Variants in PPFIA2 observed in about 807,000 individuals in gnomAD.
PPFIA2 encodes liprin-alpha-2.
A neutral mutation model predicts 175.5 loss-of-function variants in PPFIA2; 46 were observed. That is an observed-to-expected ratio of 0.26 (90% CI 0.21 to 0.34). The LOEUF (loss-of-function observed/expected upper bound fraction) is 0.34. Ranked by LOEUF, PPFIA2 falls within the 10% of genes least tolerant of loss-of-function variation. PPFIA2 has a pLI of 1.00. For synonymous variants in PPFIA2, 568 were observed against 511.4 expected (o/e 1.11, Z -1.49); for missense variants, 1,179 against 1,506.1 (o/e 0.78, Z 3.60).
intron 4 of PPFIA2, among the ~76,000 whole-genome samples, chr12:81,664,513 T>C (rs1036773099): frequency 3.0e-4 from 45 of 152,050 alleles, no homozygotes; most frequent in Middle Eastern, 6.8e-3. Flanking sequence ...GTTAGAATGG[T>C]GATCATTAAA....
In PPFIA2 at chr12:81,443,913, G is replaced by C. The variant is rs140539150; in HGVS notation, c.570+1643C>G. Among the ~76,000 whole-genome samples the C allele has an allele frequency of 4.5e-3, 567 of 125,908 alleles. 8 individuals carry two copies. Among genetic ancestry groups the C allele is most frequent in the African/African-American group, 0.012 (397 of 32,474 alleles). 82.6% of individuals were successfully genotyped at this position (125,908 alleles called of 152,430 possible). A position where few individuals can be genotyped will look rare whatever the true frequency, so the allele number is the denominator to read the frequency against. On this transcript the variant is annotated intron_variant, in intron 6 of 32. Transcript: ENST00000549396. Reference sequence around the variant, plus strand: ...GCTGTCACCCAGGCTGGAGTGCAGTGGCGCGATCTGGGCTCACTGCAAGCT... The same window carrying C: ...GCTGTCACCCAGGCTGGAGTGCAGTCGCGCGATCTGGGCTCACTGCAAGCT...
intron 4 of PPFIA2, among the ~76,000 whole-genome samples, chr12:81,510,834 C>T (rs1205372324): frequency 6.6e-6 from 1 of 151,988 alleles, no homozygotes; most frequent in African/African-American, 2.4e-5. Context: ...GACTAACAAG[C>T]ATAAAAATAA....
chr12:81,642,702 A>ATGTATATATTATATACATACGTG (rs1567687280), intron 4 of PPFIA2, among the ~76,000 whole-genome samples: 154 of 7,402 alleles, frequency 0.021, 35 homozygotes, highest in Non-Finnish European at 0.037. Context: ...ACATACATGT[A>ATGTATATATTATATACATACGTG]TATGTATGTA....
chr12:81,647,974 A>C (rs758147621), intron 4 of PPFIA2, among the ~76,000 whole-genome samples: 11 of 147,752 alleles, frequency 7.4e-5, no homozygotes, highest in Non-Finnish European at 1.3e-4. Context: ...GAAAGCTAGA[A>C]GACAAGGGAG....
chr12:81,342,128 C>T (rs772925190), intron 19 of PPFIA2, among the ~76,000 whole-genome samples: 2 of 152,016 alleles, frequency 1.3e-5, no homozygotes, highest in Admixed American at 6.6e-5. Context: ...CCTTAAAGAA[C>T]ACTTTAGTAC....
chr12:81,645,972 T>G (rs1184518189), intron 4 of PPFIA2, among the ~76,000 whole-genome samples: 4 of 152,168 alleles, frequency 2.6e-5, no homozygotes, highest in Admixed American at 2.6e-4. Flanking sequence ...TAGTCCTGCT[T>G]TGATAACCAA....
intron 4 of PPFIA2, among the ~76,000 whole-genome samples, chr12:81,465,685 T>C (rs1035153113): frequency 6.6e-6 from 1 of 152,186 alleles, no homozygotes; most frequent in Non-Finnish European, 1.5e-5. Context: ...AAAATATGTA[T>C]GTTTTTCCCC....
At chr12:81,406,766 A>G (rs1198522216) in intron 7 of PPFIA2, among the ~76,000 whole-genome samples, 1 of 152,182 alleles carries the variant, frequency 6.6e-6, no homozygotes, top group Admixed American at 6.6e-5. Flanking sequence ...CAACTCAGAT[A>G]GTAGTCAATA....
At chr12:81,735,090 T>A (rs903050456) in intron 3 of PPFIA2, among the ~76,000 whole-genome samples, 41 of 151,894 alleles carry the variant, frequency 2.7e-4, no homozygotes, top group Admixed American at 6.6e-4. Context: ...TGAATAATGC[T>A]GCTATGAACA....
At chr12:81,756,068 A>C (rs1166698738) in intron 2 of PPFIA2, among the ~76,000 whole-genome samples, 1 of 152,160 alleles carries the variant, frequency 6.6e-6, no homozygotes, top group Non-Finnish European at 1.5e-5. Flanking sequence ...TTGATTATTT[A>C]AAACGATTAG....
At chr12:81,586,376 C>T (rs556069289) in intron 4 of PPFIA2, among the ~76,000 whole-genome samples, 1 of 151,996 alleles carries the variant, frequency 6.6e-6, no homozygotes, top group African/African-American at 2.4e-5. Flanking sequence ...ATAGCATTGA[C>T]TCTTTTTGAC....
rs142552224 is a variant in PPFIA2 at position 81,533,653 on chromosome 12, C to A, written c.304-75787G>T. On this transcript the variant is annotated intron_variant, in intron 4 of 32. Coordinates refer to ENST00000549396, the MANE Select transcript of PPFIA2 (RefSeq NM_003625.5). ...GAATTAGAACTTATCAATGTTATAC[C>A]AAAACTCCTCTTTGATTGTAACGGT... Among the ~76,000 whole-genome samples the A allele has an allele frequency of 2.1e-3, 315 of 151,236 alleles. 2 individuals carry two copies. Among genetic ancestry groups the A allele is most frequent in the African/African-American group, 7.5e-3 (308 of 41,338 alleles).
chr12:81,743,776 ACAGC>A (rs147885451), intron 3 of PPFIA2, among the ~76,000 whole-genome samples: 17,613 of 152,124 alleles, frequency 0.12, 1,205 homozygotes, highest in East Asian at 0.26. Flanking sequence ...AATACATGTG[ACAGC>A]CAGCAGAATT....
chr12:81,500,037 G>T (rs537453165), intron 4 of PPFIA2, among the ~76,000 whole-genome samples: 5 of 151,974 alleles, frequency 3.3e-5, no homozygotes, highest in Admixed American at 2.0e-4. Context: ...CCTCAACTCT[G>T]ACCAGTCCCT....
chr12:81,602,800 C>A (rs1016067392), intron 4 of PPFIA2, among the ~76,000 whole-genome samples: 2 of 151,824 alleles, frequency 1.3e-5, no homozygotes, highest in South Asian at 2.1e-4. Context: ...TCCTTAATTG[C>A]GGCACTGTTC....
At chr12:81,482,609 CCAT>C (rs1435136181) in intron 4 of PPFIA2, among the ~76,000 whole-genome samples, 2 of 152,070 alleles carry the variant, frequency 1.3e-5, no homozygotes, top group Admixed American at 1.3e-4. Context: ...AAGCTGGAAA[CCAT>C]CATTCTCAGC....
intron 11 of PPFIA2, among the ~76,000 whole-genome samples, chr12:81,371,188 T>C (rs1378564171): frequency 6.6e-6 from 1 of 151,804 alleles, no homozygotes; most frequent in Admixed American, 6.6e-5. Context: ...TTCCTCCAAG[T>C]CGTCCTCAAA....
intron 22 of PPFIA2, chr12:81,312,062 G>T: frequency 2.5e-6 from 3 of 1,180,540 alleles, no homozygotes; most frequent in Non-Finnish European, 3.6e-6. Context: ...AGGCAGTGCA[G>T]CTTGTGTTAC....
intron 22 of PPFIA2, among the ~76,000 whole-genome samples, chr12:81,307,760 A>G (rs2049656518): frequency 1.3e-5 from 2 of 152,168 alleles, no homozygotes; most frequent in South Asian, 4.2e-4. Flanking sequence ...AAGGCCAAAT[A>G]TCTTACACAA....
Sources: gnomAD v4.1 joint callset for allele counts (sites outside exome capture counted in the v4.1 genomes callset) on GRCh38, gnomAD v4.1.1 for gene constraint, MANE v1.5 for transcripts, NCBI Gene and HGNC (gene_info 2026-07-23, HGNC 2026-07-21) for gene names.